Variants in AFG2A observed in about 807,000 individuals in gnomAD.
AFG2A encodes the protein AAA ATPase AFG2A.
the AFG2A span, among the ~76,000 whole-genome samples, chr4:123,208,338 A>G: frequency 1.3e-5 from 2 of 152,210 alleles, no homozygotes; most frequent in African/African-American, 4.8e-5. Flanking sequence ...AAATTCTTAG[A>G]GGAAATCATG....
the AFG2A span, chr4:123,028,083 A>G: frequency 5.3e-6 from 5 of 945,330 alleles, 1 homozygote; most frequent in South Asian, 5.1e-5. Context: ...AAATGGTTCT[A>G]TTCTTTTTTG....
chr4:123,090,667 A>G, the AFG2A span: 1 of 1,614,164 alleles, frequency 6.2e-7, no homozygotes, highest in African/African-American at 1.3e-5. Flanking sequence ...GGATGTGACC[A>G]TTTTGGCAGC....
the AFG2A span, among the ~76,000 whole-genome samples, chr4:123,016,234 G>A: frequency 0.018 from 2,564 of 145,932 alleles, 56 homozygotes; most frequent in African/African-American, 0.06. Context: ...CCTCCCTCCC[G>A]GACGGGGCGG....
the AFG2A span, among the ~76,000 whole-genome samples, chr4:123,289,820 A>G: frequency 6.6e-6 from 1 of 151,224 alleles, no homozygotes; most frequent in African/African-American, 2.4e-5. Context: ...GGCCATTTGT[A>G]TGTCTTTTTT....
chr4:123,255,968 T>A, the AFG2A span: 1 of 1,605,554 alleles, frequency 6.2e-7, no homozygotes, highest in African/African-American at 1.3e-5. Flanking sequence ...TGAGATGGAA[T>A]GTCAGTTCTG....
the AFG2A span, among the ~76,000 whole-genome samples, chr4:123,146,303 A>T: frequency 0.011 from 1,737 of 152,302 alleles, 15 homozygotes; most frequent in Non-Finnish European, 0.018. Context: ...TAAAGAACCC[A>T]AGAAAGGGTA....
the AFG2A span, among the ~76,000 whole-genome samples, chr4:123,254,950 G>T: frequency 0.013 from 1,999 of 151,714 alleles, 42 homozygotes; most frequent in African/African-American, 0.046. Flanking sequence ...TATAGATACA[G>T]ATATATATAT....
At chr4:123,092,459 A>G in the AFG2A span, among the ~76,000 whole-genome samples, 4 of 152,214 alleles carry the variant, frequency 2.6e-5, no homozygotes, top group Non-Finnish European at 5.9e-5. Context: ...TTCTTGAAGT[A>G]GGATGTAAGG....
the AFG2A span, among the ~76,000 whole-genome samples, chr4:122,930,367 G>A: frequency 6.6e-6 from 1 of 151,812 alleles, no homozygotes; most frequent in African/African-American, 2.4e-5. Context: ...ATAGTTTGGG[G>A]GATGTGTTTA....
At chr4:123,133,348 C>T in the AFG2A span, among the ~76,000 whole-genome samples, 1 of 152,132 alleles carries the variant, frequency 6.6e-6, no homozygotes, top group East Asian at 1.9e-4. Flanking sequence ...GAAACTGTGT[C>T]AGGCAAGTGT....
At chr4:123,111,203 G>T in the AFG2A span, among the ~76,000 whole-genome samples, 2 of 151,860 alleles carry the variant, frequency 1.3e-5, no homozygotes, top group Admixed American at 6.6e-5. Context: ...TTCATAACAT[G>T]TATTTGGCCT....
chr4:123,010,261 A>C, the AFG2A span, among the ~76,000 whole-genome samples: 1 of 152,116 alleles, frequency 6.6e-6, no homozygotes, highest in Non-Finnish European at 1.5e-5. Flanking sequence ...CTCATTCTTC[A>C]TATTGTTGCT....
chr4:123,000,227 A>G, the AFG2A span, among the ~76,000 whole-genome samples: 1 of 150,054 alleles, frequency 6.7e-6, no homozygotes, highest in African/African-American at 2.5e-5. Context: ...GGTTTTCTAG[A>G]TATACAATCA....
the AFG2A span, among the ~76,000 whole-genome samples, chr4:123,139,980 G>A: frequency 1.3e-5 from 2 of 152,150 alleles, no homozygotes; most frequent in South Asian, 4.1e-4. Flanking sequence ...GCAGCCCTCA[G>A]GAGTAGGCAA....
the AFG2A span, among the ~76,000 whole-genome samples, chr4:123,236,156 C>T: frequency 6.6e-6 from 1 of 152,060 alleles, no homozygotes; most frequent in Non-Finnish European, 1.5e-5. Context: ...AATTTTTACA[C>T]GTAAAATTTA....
chr4:123,071,336 C>T, the AFG2A span, among the ~76,000 whole-genome samples: 5 of 152,014 alleles, frequency 3.3e-5, no homozygotes, highest in Non-Finnish European at 5.9e-5. Flanking sequence ...CAAAATTAGC[C>T]GGGCGTGGTG....
the AFG2A span, among the ~76,000 whole-genome samples, chr4:123,225,519 A>G: frequency 3.3e-5 from 5 of 152,168 alleles, no homozygotes; most frequent in Admixed American, 2.0e-4. Flanking sequence ...TCAGATAGTT[A>G]TAGATATGTG....
chr4:122,939,502 A>G, the AFG2A span, among the ~76,000 whole-genome samples: 1 of 152,224 alleles, frequency 6.6e-6, no homozygotes, highest in Admixed American at 6.5e-5. Flanking sequence ...ATTAATTAGA[A>G]AAATACACTT....
chr4:123,099,758 G>T, the AFG2A span, among the ~76,000 whole-genome samples: 137,783 of 151,704 alleles, frequency 0.91, 62,796 homozygotes, highest in East Asian at 0.98. Flanking sequence ...ACTGACTCCC[G>T]AAAACTCATA....
Sources: gnomAD v4.1 joint callset for allele counts (sites outside exome capture counted in the v4.1 genomes callset) on GRCh38, gnomAD v4.1.1 for gene constraint, MANE v1.5 for transcripts, NCBI Gene and HGNC (gene_info 2026-07-23, HGNC 2026-07-21) for gene names.